The following STIM1 variants were observed in gnomAD, a reference collection of about 807,000 sequenced individuals.
STIM1 encodes the protein stromal interaction molecule 1.
A neutral mutation model predicts 74.7 loss-of-function variants in STIM1; 25 were observed. That is an observed-to-expected ratio of 0.33 (90% CI 0.24 to 0.47). The LOEUF (loss-of-function observed/expected upper bound fraction) is 0.47. Ranked by LOEUF, STIM1 falls within the 20% of genes least tolerant of loss-of-function variation. The pLI is 1.00. For synonymous variants in STIM1, 328 were observed against 348.8 expected (o/e 0.94, Z 0.66); for missense variants, 728 against 920.8 (o/e 0.79, Z 2.71).
chr11:3,967,434 G>A (rs1220072647), intron 1 of STIM1, 118 bp from the exon 2 acceptor site: 2 of 1,477,770 alleles, frequency 1.4e-6, no homozygotes, highest in Non-Finnish European at 1.9e-6. Flanking sequence ...TGTACAAGTA[G>A]CCAGTTAAGT....
intron 12 of STIM1, among the ~76,000 whole-genome samples, chr11:4,090,709 G>A (rs2094519074): frequency 6.6e-6 from 1 of 152,214 alleles, no homozygotes; most frequent in Admixed American, 6.5e-5. Flanking sequence ...GCAGGCTGTA[G>A]GTTCTGTGTT....
At chr11:3,908,190 T>G (rs1009650151) in intron 1 of STIM1, among the ~76,000 whole-genome samples, 4 of 152,246 alleles carry the variant, frequency 2.6e-5, no homozygotes, top group African/African-American at 9.6e-5. Flanking sequence ...ATTTGTTGAC[T>G]GAATGAACAA....
chr11:4,003,718 G>A (rs2093746035), intron 2 of STIM1, among the ~76,000 whole-genome samples: 2 of 152,150 alleles, frequency 1.3e-5, no homozygotes, highest in African/African-American at 4.8e-5. Context: ...ATTCAACATA[G>A]TGTTGGAAGT....
At chr11:4,081,001 GT>G (rs141589146) in intron 7 of STIM1, among the ~76,000 whole-genome samples, 7 of 148,682 alleles carry the variant, frequency 4.7e-5, no homozygotes, top group Admixed American at 1.3e-4. Context: ...CTATTTTTAG[GT>G]TTTTTTTTTC....
intron 7 of STIM1, among the ~76,000 whole-genome samples, chr11:4,077,916 T>C (rs900553029): frequency 2.6e-5 from 4 of 152,236 alleles, no homozygotes; most frequent in African/African-American, 4.8e-5. Flanking sequence ...CTTTTATCTA[T>C]TGTATCCATC....
chr11:4,047,533 A>G (rs2094202812), intron 3 of STIM1, among the ~76,000 whole-genome samples: 1 of 152,064 alleles, frequency 6.6e-6, no homozygotes, highest in African/African-American at 2.4e-5. Context: ...GGAGAATTAC[A>G]TGAACCTGGG....
At chr11:3,945,907 C>T (rs1262898379) in intron 1 of STIM1, among the ~76,000 whole-genome samples, 1 of 152,136 alleles carries the variant, frequency 6.6e-6, no homozygotes, top group Non-Finnish European at 1.5e-5. Flanking sequence ...GGAGCAGACA[C>T]TTAACATGGT....
chr11:3,939,475 G>T (rs1302787336), intron 1 of STIM1, among the ~76,000 whole-genome samples: 2 of 152,106 alleles, frequency 1.3e-5, no homozygotes, highest in African/African-American at 4.8e-5. Context: ...GAGAAATACA[G>T]ATGTAAAATA....
intron 3 of STIM1, among the ~76,000 whole-genome samples, chr11:4,043,879 G>A (rs2094169000): frequency 1.3e-5 from 2 of 152,096 alleles, no homozygotes; most frequent in South Asian, 2.1e-4. Flanking sequence ...GCTGGGCGTG[G>A]TGGCACGTGC....
intron 7 of STIM1, among the ~76,000 whole-genome samples, chr11:4,081,840 G>A (rs2094467237): frequency 6.6e-6 from 1 of 152,164 alleles, no homozygotes; most frequent in Admixed American, 6.5e-5. Flanking sequence ...CTGACTCTTG[G>A]TAAGATGATT....
chr11:4,010,877 G>A (rs2135956369), intron 2 of STIM1, among the ~76,000 whole-genome samples: 1 of 151,936 alleles, frequency 6.6e-6, no homozygotes, highest in Non-Finnish European at 1.5e-5. Context: ...CCAGCCCCCA[G>A]CCCCCAACAG....
intron 1 of STIM1, among the ~76,000 whole-genome samples, chr11:3,880,481 G>A (rs892480329): frequency 1.2e-4 from 18 of 152,184 alleles, no homozygotes; most frequent in Admixed American, 6.5e-5. Flanking sequence ...GATGGTTTCA[G>A]TGTCAAACTT....
chr11:3,868,861 T>C (rs368440421), intron 1 of STIM1, among the ~76,000 whole-genome samples: 10 of 152,234 alleles, frequency 6.6e-5, no homozygotes, highest in Non-Finnish European at 1.5e-4. Context: ...TTATGTGTTA[T>C]AAGACAATCC....
intron 2 of STIM1, among the ~76,000 whole-genome samples, chr11:4,012,227 G>C (rs184504429): frequency 6.6e-6 from 1 of 152,258 alleles, no homozygotes; most frequent in East Asian, 1.9e-4. Flanking sequence ...GGTTCCATAT[G>C]AACTTTAAAG....
chr11:4,044,972 C>T (rs1255399434), intron 3 of STIM1, among the ~76,000 whole-genome samples: 2 of 152,178 alleles, frequency 1.3e-5, no homozygotes, highest in Non-Finnish European at 2.9e-5. Flanking sequence ...ACAGCCTCCA[C>T]AACGAAGGAT....
At chr11:3,861,736 A>T (rs1291967327) in intron 1 of STIM1, among the ~76,000 whole-genome samples, 1 of 152,180 alleles carries the variant, frequency 6.6e-6, no homozygotes, top group African/African-American at 2.4e-5. Flanking sequence ...GAAAACAAAG[A>T]TGTAATTTCA....
chr11:4,078,613 G>A (rs940703316), intron 7 of STIM1, among the ~76,000 whole-genome samples: 1 of 151,426 alleles, frequency 6.6e-6, no homozygotes, highest in Non-Finnish European at 1.5e-5. Flanking sequence ...TGTCGCCCAG[G>A]CTGGAGTGCA....
chr11:3,946,703 A>G (rs531743579), intron 1 of STIM1, among the ~76,000 whole-genome samples: 4 of 152,198 alleles, frequency 2.6e-5, no homozygotes, highest in Admixed American at 6.5e-5. Flanking sequence ...TCCTGCTTAT[A>G]TTATGTTTCC....
intron 1 of STIM1, among the ~76,000 whole-genome samples, chr11:3,939,966 C>G (rs1336750061): frequency 6.6e-6 from 1 of 152,192 alleles, no homozygotes; most frequent in African/African-American, 2.4e-5. Context: ...AGGGAAAAAA[C>G]ACTCCACCCA....
Sources: allele counts gnomAD v4.1 joint callset (sites outside exome capture counted in the v4.1 genomes callset), GRCh38; gene constraint gnomAD v4.1.1; transcripts MANE v1.5; gene names NCBI Gene and HGNC (gene_info 2026-07-23, HGNC 2026-07-21).